TRPV1: variants seen among roughly 807,000 people sequenced by gnomAD.
The protein encoded by TRPV1 is transient receptor potential cation channel subfamily V member 1.
Under a neutral mutation model 82.3 loss-of-function variants are expected in TRPV1, and 82 were observed. The observed-to-expected ratio is 1.00, with a 90% CI of 0.83 to 1.20. TRPV1 has a LOEUF of 1.20. Ranked by LOEUF, TRPV1 falls within the 50% of genes most tolerant of loss-of-function variation. TRPV1 has a pLI of 0.00. For synonymous variants in TRPV1, 515 were observed against 467.7 expected (o/e 1.10, Z -1.30); for missense variants, 1,067 against 1,096.8 (o/e 0.97, Z 0.38).
chr17:3,566,859 C>T lies in TRPV1; in HGVS notation c.2476G>A (p.Asp826Asn), dbSNP rs202237462. 2 of 1,614,028 alleles carry T rather than the reference C, an allele frequency of 1.2e-6. No individual in the cohort carries two copies. The highest frequency in any genetic ancestry group is 1.7e-6 in the Non-Finnish European group (2 of 1,179,896). Residue 826 changes from aspartate to asparagine, a missense_variant, in exon 17 of 17, where the codon GAC (aspartate) becomes AAC (asparagine). Coordinates refer to ENST00000572705, the MANE Select transcript of TRPV1 (RefSeq NM_080704.4). ...RQFSGSLKPE[D>N]AEVFKSPAAS... ...GCAGGACTCTTGAAGACCTCAGCGTCCTCTGGCTTCAGAGACCCTGAAAAC... is the reference window on the plus strand; with the variant it reads ...GCAGGACTCTTGAAGACCTCAGCGTTCTCTGGCTTCAGAGACCCTGAAAAC...
chr17:3,602,688 C>T (rs1053306034), intron 2 of TRPV1, among the ~76,000 whole-genome samples: 2 of 152,204 alleles, frequency 1.3e-5, no homozygotes, highest in Non-Finnish European at 2.9e-5. Context: ...CCGCCACCGT[C>T]GCTAATGGTG....
At chr17:3,569,070 G>A (rs1349165581) in intron 16 of TRPV1, among the ~76,000 whole-genome samples, 3 of 150,794 alleles carry the variant, frequency 2.0e-5, no homozygotes, top group Non-Finnish European at 4.4e-5. Context: ...TGAACAATGA[G>A]AACACTCAGA....
chr17:3,590,810 G>A (rs768891392), intron 5 of TRPV1, among the ~76,000 whole-genome samples, 154 bp downstream of exon 5: 23 of 152,078 alleles, frequency 1.5e-4, no homozygotes, highest in Non-Finnish European at 2.6e-4. Flanking sequence ...GCAGATGGGA[G>A]AGGCAGGGAC....
intron 13 of TRPV1, among the ~76,000 whole-genome samples, chr17:3,575,915 C>A (rs1286050619): frequency 6.6e-6 from 1 of 152,118 alleles, no homozygotes; most frequent in Non-Finnish European, 1.5e-5. Flanking sequence ...AGGAATGATG[C>A]AGGAAGTGCC....
At chr17:3,580,420 G>A in intron 11 of TRPV1, 37 bp downstream of exon 11, 1 of 1,611,028 alleles carries the variant, frequency 6.2e-7, no homozygotes, top group Non-Finnish European at 8.5e-7. Flanking sequence ...GCGGTCACCT[G>A]GGGACTGGAC....
intron 8 of TRPV1, among the ~76,000 whole-genome samples, chr17:3,586,816 G>C (rs2075091280): frequency 6.6e-6 from 1 of 152,138 alleles, no homozygotes; most frequent in Admixed American, 6.5e-5. Context: ...AAGTATCCCT[G>C]AGACTGATGA....
chr17:3,576,451 G>C (rs1053326389), intron 13 of TRPV1, among the ~76,000 whole-genome samples: 2 of 151,712 alleles, frequency 1.3e-5, no homozygotes, highest in Non-Finnish European at 2.9e-5. Context: ...AGGAGATCGA[G>C]ACCATCCTGG....
At position 3,577,154 on chromosome 17, in the gene TRPV1, G is replaced by A. The variant is rs1351670720; in HGVS notation, c.1752C>T (p.Tyr584=). 1.0e-5 allele frequency: 16 copies of A among 1,588,488 alleles called. No individual in the cohort carries two copies. Among genetic ancestry groups the A allele is most frequent in the South Asian group, 3.5e-5 (3 of 86,748 alleles). Residue 584 remains tyrosine, a synonymous_variant, in exon 13 of 17, where the codon TAC becomes TAT. Coordinates refer to ENST00000572705, the MANE Select transcript of TRPV1 (RefSeq NM_080704.4). ...LRDLCRFMFV[Y]IVFLFGFSTA... ...TGGAAAACCCGAACAAGAAGACGAT[G>A]TAGACAAACATGAAACGGCACAGGT...
chr17:3,591,396 C>T (rs2075156101), intron 3 of TRPV1, 43 bp from the exon 4 acceptor site: 1 of 1,527,300 alleles, frequency 6.5e-7, no homozygotes. Flanking sequence ...CTGGCCTCCC[C>T]TCGGCCCTGA....
At chr17:3,573,492 G>T (rs2074886504) in intron 14 of TRPV1, 141 bp downstream of exon 14, 1 of 893,598 alleles carries the variant, frequency 1.1e-6, no homozygotes, top group Non-Finnish European at 1.7e-6. Flanking sequence ...GCTGGGTAAG[G>T]CAGCGGATAG....
chr17:3,569,824 G>A (rs77416572), intron 16 of TRPV1, among the ~76,000 whole-genome samples: 10 of 152,222 alleles, frequency 6.6e-5, no homozygotes, highest in African/African-American at 2.4e-4. Context: ...GGCCTCTGAG[G>A]CCCCCAGTAC....
chr17:3,599,964 T>C (rs2075249486), intron 2 of TRPV1, among the ~76,000 whole-genome samples: 1 of 152,184 alleles, frequency 6.6e-6, no homozygotes, highest in South Asian at 2.1e-4. Context: ...GGGCGTGGGA[T>C]GGATGGACCA....
rs11441416 is a variant in TRPV1, at chr17:3,573,532, G to GCCCCCCCCCCCCCCCCCCCC, written c.2103+100_2103+101insGGGGGGGGGGGGGGGGGGGG. On this transcript the variant is annotated intron_variant, in intron 14 of 16. Coordinates refer to ENST00000572705, the MANE Select transcript of TRPV1 (RefSeq NM_080704.4). ...GCCCATACCCTCCTGGCCACACACC[G>GCCCCCCCCCCCCCCCCCCCC]CCCCCACCACCCACCCACCTGCAGC... 3.0e-4 allele frequency: 79 copies of GCCCCCCCCCCCCCCCCCCCC among 259,788 alleles called. 34 individuals are homozygous for GCCCCCCCCCCCCCCCCCCCC. Among genetic ancestry groups the GCCCCCCCCCCCCCCCCCCCC allele is most frequent in the Non-Finnish European group, 4.3e-4 (56 of 131,238 alleles). 16.1% of individuals were successfully genotyped at this position (259,788 alleles called of 1,614,324 possible). A position where few individuals can be genotyped will look rare whatever the true frequency, so the allele number is the denominator to read the frequency against.
Position 3,585,917 on chromosome 17 carries a change from C to T in TRPV1, c.1234G>A (p.Asp412Asn), listed in dbSNP as rs61753456. The stretch of plus-strand genomic sequence containing the variant: ...TTCAGCGGCTCCACCAAGAGCATGT[C>T]GTGGCGATTCTAGGGGGTGGGGAGA... ...YSSSETPNRH[D>N]MLLVEPLNRL... The change falls in exon 9 of 17, where the codon GAC becomes AAC. Residue 412 changes from aspartate to asparagine, a missense_variant. Transcript: ENST00000572705. 45 of 1,613,698 alleles carry T rather than the reference C, an allele frequency of 2.8e-5. No individual in the cohort carries two copies. The highest frequency in any genetic ancestry group is 5.0e-5 in the Admixed American group (3 of 59,988).
chr17:3,592,735 G>A (rs1348172095), intron 2 of TRPV1: 7 of 210,466 alleles, frequency 3.3e-5, no homozygotes, highest in Non-Finnish European at 5.7e-5. Flanking sequence ...GATAACCACC[G>A]CGCTGCCTCC....
intron 1 of TRPV1, 129 bp from the exon 2 acceptor site, chr17:3,608,694 T>C (rs1312096056): frequency 6.6e-6 from 1 of 152,208 alleles, no homozygotes; most frequent in African/African-American, 2.4e-5. Context: ...AAGGGGGGAC[T>C]ACTGTGGACA....
chr17:3,571,462 C>A (rs2074852369), intron 16 of TRPV1, 62 bp downstream of exon 16: 1 of 1,350,616 alleles, frequency 7.4e-7, no homozygotes, highest in Non-Finnish European at 1.0e-6. Context: ...CTGCAAAGCT[C>A]CCCCTGCCCA....
intron 16 of TRPV1, among the ~76,000 whole-genome samples, chr17:3,567,220 A>T (rs1381985054): frequency 6.6e-6 from 1 of 150,480 alleles, no homozygotes; most frequent in African/African-American, 2.4e-5. Flanking sequence ...AAAAAAAAAA[A>T]TTGGCCGGGC....
intron 8 of TRPV1, among the ~76,000 whole-genome samples, chr17:3,587,853 G>GA (rs34330693): frequency 5.9e-4 from 86 of 144,752 alleles, no homozygotes; most frequent in African/African-American, 1.7e-3. Context: ...GCCATCAAGT[G>GA]AAAAAAAAAA....
Sources: allele counts gnomAD v4.1 joint callset (sites outside exome capture counted in the v4.1 genomes callset), GRCh38; gene constraint gnomAD v4.1.1; transcripts MANE v1.5; gene names NCBI Gene and HGNC (gene_info 2026-07-23, HGNC 2026-07-21).